XKR9: variants seen among roughly 807,000 people sequenced by gnomAD.
XKR9 encodes the protein XK-related protein 9.
Under a neutral mutation model 32.0 loss-of-function variants are expected in XKR9, and 32 were observed. That is an observed-to-expected ratio of 1.00 (90% CI 0.76 to 1.34). The LOEUF is 1.34. Ranked by LOEUF, XKR9 falls within the 40% of genes most tolerant of loss-of-function variation. The pLI, the probability that XKR9 is intolerant of heterozygous loss-of-function variation, is 0.00. For missense variants in XKR9, 546 were observed against 429.7 expected (o/e 1.27, Z -2.39); for synonymous variants, 168 against 143.4 (o/e 1.17, Z -1.22).
At chr8:70,748,650 G>A (rs1307463238) in intron 2 of XKR9, among the ~76,000 whole-genome samples, 1 of 152,192 alleles carries the variant, frequency 6.6e-6, no homozygotes. Context: ...GTAGCAGGAG[G>A]CAGACAGGTT....
the XKR9 span, among the ~76,000 whole-genome samples, chr8:70,934,677 A>C: frequency 6.6e-6 from 1 of 152,034 alleles, no homozygotes; most frequent in Non-Finnish European, 1.5e-5. Flanking sequence ...TAAGCAATGC[A>C]TGTGTCCCCT....
the XKR9 span, among the ~76,000 whole-genome samples, chr8:70,850,764 G>T: frequency 1.3e-5 from 2 of 152,096 alleles, no homozygotes; most frequent in African/African-American, 2.4e-5. Context: ...GGTAAACAAG[G>T]TATTGATGGA....
chr8:70,732,172 G>T (rs1306943385), intron 4 of XKR9, among the ~76,000 whole-genome samples: 1 of 152,140 alleles, frequency 6.6e-6, no homozygotes, highest in Non-Finnish European at 1.5e-5. Context: ...CCCACAATGG[G>T]GCTGTGGACA....
chr8:70,753,994 A>G (rs1355134513), intron 2 of XKR9, among the ~76,000 whole-genome samples: 1 of 146,104 alleles, frequency 6.8e-6, no homozygotes, highest in Non-Finnish European at 1.5e-5. Flanking sequence ...TGCAGATGAC[A>G]TGATTGTATA....
At chr8:70,995,147 T>G in the XKR9 span, among the ~76,000 whole-genome samples, 1 of 152,116 alleles carries the variant, frequency 6.6e-6, no homozygotes, top group African/African-American at 2.4e-5. Flanking sequence ...TCAATAGCCT[T>G]CAGATCAAAA....
chr8:70,850,731 A>G, the XKR9 span, among the ~76,000 whole-genome samples: 2 of 152,200 alleles, frequency 1.3e-5, no homozygotes, highest in East Asian at 3.9e-4. Flanking sequence ...AAAATTCTAT[A>G]CCCCTACTAG....
chr8:70,811,123 A>C, the XKR9 span, among the ~76,000 whole-genome samples: 3 of 152,250 alleles, frequency 2.0e-5, no homozygotes, highest in Non-Finnish European at 2.9e-5. Context: ...ACTAGAACTC[A>C]GGATTAAGAA....
At chr8:70,742,514 G>A (rs1291481595) in intron 2 of XKR9, among the ~76,000 whole-genome samples, 11 of 152,264 alleles carry the variant, frequency 7.2e-5, no homozygotes, top group South Asian at 4.2e-4. Context: ...AGATTTAAAT[G>A]TCTATGTGTT....
chr8:70,941,774 G>C, the XKR9 span, among the ~76,000 whole-genome samples: 1 of 151,968 alleles, frequency 6.6e-6, no homozygotes, highest in Non-Finnish European at 1.5e-5. Flanking sequence ...TAGACTCAGG[G>C]GTGTGAATTT....
At chr8:70,735,977 C>T (rs1406613288), downstream of XKR9, 4 of 151,840 alleles carry the variant, frequency 2.6e-5, no homozygotes, top group African/African-American at 7.3e-5. Context: ...GGGTATATAC[C>T]CAGTAATGGG....
chr8:70,964,953 T>A, the XKR9 span, among the ~76,000 whole-genome samples: 1 of 152,232 alleles, frequency 6.6e-6, no homozygotes, highest in Non-Finnish European at 1.5e-5. Flanking sequence ...TTCTCTTGCC[T>A]GATTGCCCTG....
At chr8:70,811,915 G>C in the XKR9 span, among the ~76,000 whole-genome samples, 1 of 151,994 alleles carries the variant, frequency 6.6e-6, no homozygotes, top group Non-Finnish European at 1.5e-5. Context: ...AATAGAAAAA[G>C]AGGGAATCCT....
the XKR9 span, among the ~76,000 whole-genome samples, chr8:70,900,315 G>A: frequency 1.3e-5 from 2 of 152,084 alleles, no homozygotes; most frequent in African/African-American, 4.8e-5. Flanking sequence ...TCCACGCTGG[G>A]TGCAGTGCTC....
chr8:71,025,701 T>A, the XKR9 span, among the ~76,000 whole-genome samples: 1 of 152,218 alleles, frequency 6.6e-6, no homozygotes, highest in African/African-American at 2.4e-5. Flanking sequence ...ATATCTTTCC[T>A]TTTAAGCTTG....
the XKR9 span, among the ~76,000 whole-genome samples, chr8:70,908,013 C>T: frequency 0.084 from 12,793 of 152,070 alleles, 611 homozygotes; most frequent in African/African-American, 0.097. Context: ...ACTCTTAATT[C>T]GTTGAAACTT....
At chr8:70,911,264 T>C in the XKR9 span, among the ~76,000 whole-genome samples, 1 of 152,240 alleles carries the variant, frequency 6.6e-6, no homozygotes, top group Non-Finnish European at 1.5e-5. Context: ...CCATTATTAC[T>C]TATATCCTAA....
intron 2 of XKR9, among the ~76,000 whole-genome samples, chr8:70,770,015 A>G (rs1807432544): frequency 6.6e-6 from 1 of 152,098 alleles, no homozygotes; most frequent in African/African-American, 2.4e-5. Flanking sequence ...GGAGGAGAAG[A>G]TGCATTCTGG....
the XKR9 span, among the ~76,000 whole-genome samples, chr8:71,044,444 T>C: frequency 1.3e-4 from 20 of 152,288 alleles, no homozygotes; most frequent in East Asian, 3.9e-4. Context: ...GGAGAATTCA[T>C]TGGAGCAGCA....
the XKR9 span, among the ~76,000 whole-genome samples, chr8:70,951,865 AT>A: frequency 1.5e-4 from 19 of 129,952 alleles, no homozygotes; most frequent in African/African-American, 2.2e-4. Context: ...CCATAGCATC[AT>A]TGGGGGGGGG....
Sources: gnomAD v4.1 joint callset for allele counts (sites outside exome capture counted in the v4.1 genomes callset) on GRCh38, gnomAD v4.1.1 for gene constraint, MANE v1.5 for transcripts, NCBI Gene and HGNC (gene_info 2026-07-23, HGNC 2026-07-21) for gene names.